ABHD16B: variants seen among roughly 807,000 people sequenced by gnomAD.
ABHD16B encodes the protein abhydrolase domain-containing protein 16B.
In ABHD16B, 14 loss-of-function variants were observed where a neutral mutation model predicts 10.5. That is an observed-to-expected ratio of 1.33 (90% confidence interval 0.88 to 2.08). The LOEUF (loss-of-function observed/expected upper bound fraction) is 2.08. Ranked by LOEUF, ABHD16B falls within the 30% of genes most tolerant of loss-of-function variation. The probability of loss-of-function intolerance (pLI) is 0.00; values close to 1 mark genes in which losing one functional copy is unlikely to be tolerated. For missense variants in ABHD16B, 763 were observed against 717.4 expected (o/e 1.06, Z -0.73); for synonymous variants, 374 against 337.9 (o/e 1.11, Z -1.17).
chr20:63,862,604 GC>G lies in ABHD16B; in HGVS notation c.1065del (p.Tyr356ThrfsTer4). On this transcript the variant is annotated frameshift_variant, in exon 1 of 1. Transcript: ENST00000369916. LOFTEE classifies it low-confidence loss of function (END_TRUNC). The surrounding 1 kb of genome is among the most constrained non-coding windows in gnomAD (Gnocchi z 7.5). ...NELLLRLLEHRYPVVMAREGR... is the reference protein window; with the variant it reads ...NELLLRLLEHXYPVVMAREGR... Reference sequence around the variant, plus strand: ...CTGCTGCTGCGCCTGCTGGAGCACCGCTACCCCGTCGTGATGGCGCGAGAGG... The same window carrying G: ...CTGCTGCTGCGCCTGCTGGAGCACCGTACCCCGTCGTGATGGCGCGAGAGG... 6.4e-7 allele frequency: 1 copy of G among 1,555,264 alleles called. No individual in the cohort carries two copies. Among genetic ancestry groups the G allele is most frequent in the East Asian group, 2.4e-5 (1 of 42,384 alleles).
rs1382079737 is a variant in ABHD16B at position 63,862,917 on chromosome 20, G to A, written c.1377G>A (p.Glu459=). The part of the protein sequence containing the change: ...NVEATHFSPL[E]PEEFQLPWRL Reference sequence around the variant, plus strand: ...AGGCGACTCACTTCAGCCCTCTGGAGCCTGAGGAGTTTCAGTTGCCCTGGC... The same window carrying A: ...AGGCGACTCACTTCAGCCCTCTGGAACCTGAGGAGTTTCAGTTGCCCTGGC... Residue 459 remains glutamate, a synonymous_variant, in exon 1 of 1, where the codon GAG becomes GAA. Transcript: ENST00000369916. The surrounding 1 kb of genome is among the most constrained non-coding windows in gnomAD (Gnocchi z 7.5). 6 of 1,502,424 alleles carry A rather than the reference G, an allele frequency of 4.0e-6. No homozygotes were observed. The highest frequency in any genetic ancestry group is 5.3e-6 in the Non-Finnish European group (6 of 1,126,138). The allele number at this position is 1,502,424 out of a possible 1,614,324, so 93.1% of individuals were successfully genotyped here.
rs199801697 is a variant in ABHD16B at position 63,862,357 on chromosome 20, G to A, written c.817G>A (p.Asp273Asn). Residue 273 changes from aspartate to asparagine, a missense_variant, in exon 1 of 1, where the codon GAC (aspartate) becomes AAC (asparagine). By Grantham distance (23) the Asp-to-Asn change is conservative (BLOSUM62 1). Transcript: ENST00000369916. This position sits in a 1 kb window ranked among gnomAD's most constrained non-coding sequence, Gnocchi z 7.5. Reference protein sequence around the residue: ...LGALVLDATFDDLVPLALKVM... With the variant: ...LGALVLDATFNDLVPLALKVM... ...TGCACTGGTGCTGGACGCCACCTTCGACGACCTTGTGCCGCTGGCGCTGAA... is the reference window on the plus strand; with the variant it reads ...TGCACTGGTGCTGGACGCCACCTTCAACGACCTTGTGCCGCTGGCGCTGAA... 2.3e-5 allele frequency: 37 copies of A among 1,611,568 alleles called. No homozygotes were observed. The highest frequency in any genetic ancestry group is 1.6e-4 in the Middle Eastern group (1 of 6,082).
rs774325148 is a variant in ABHD16B at position 63,862,510 on chromosome 20, G to T, written c.970G>T (p.Val324Leu). 21 of 1,568,862 alleles carry T rather than the reference G, an allele frequency of 1.3e-5. No homozygotes were observed. Among genetic ancestry groups the T allele is most frequent in the Non-Finnish European group, 1.6e-5 (19 of 1,163,018 alleles). The change falls in exon 1 of 1, where the codon GTG (valine) becomes TTG (leucine). Residue 324 changes from valine (V) to leucine (L), a missense_variant. Coordinates refer to ENST00000369916, the MANE Select transcript of ABHD16B (RefSeq NM_080622.4). The surrounding 1 kb of genome is among the most constrained non-coding windows in gnomAD (Gnocchi z 7.5). ...GCTGCTCCGACGCACGCAGGATGAC[G>T]TGGTCAGCACTTCGGGCCGCCTGCG... ...VLLLRRTQDD[V>L]VSTSGRLRPL...
At position 63,861,709 on chromosome 20, in the gene ABHD16B, G is replaced by A. The variant is rs2052083674; in HGVS notation, c.169G>A (p.Ala57Thr). ...GGCGCTGACCTGCGCGGCAGCCGCG[G>A]CGGGCGTGTGGTTGCTGCGGGACGA... The part of the protein sequence containing the change: ...HRALTCAAAA[A>T]GVWLLRDETL... Residue 57 changes from alanine (A) to threonine (T), a missense_variant, in exon 1 of 1, where the codon GCG becomes ACG. Physicochemically the swap from Ala to Thr is moderately conservative, Grantham distance 58. Coordinates refer to ENST00000369916, the MANE Select transcript of ABHD16B (RefSeq NM_080622.4). This position sits in a 1 kb window ranked among gnomAD's most constrained non-coding sequence, Gnocchi z 5.4. 1 of 1,461,576 alleles carries A rather than the reference G, an allele frequency of 6.8e-7. No individual in the cohort carries two copies. The allele number at this position is 1,461,576 out of a possible 1,614,324, so 90.5% of individuals were successfully genotyped here.
In ABHD16B at chr20:63,862,959, C is replaced by A; in HGVS notation, c.*9C>A. On this transcript the variant is annotated 3_prime_UTR_variant, in exon 1 of 1. Transcript: ENST00000369916. This position sits in a 1 kb window ranked among gnomAD's most constrained non-coding sequence, Gnocchi z 7.5. Reference sequence around the variant, plus strand: ...TGCCCTGGCGGCTGTAACCTATATGCCCCAGTGGGGGATCACGCACTTGAA... The same window carrying A: ...TGCCCTGGCGGCTGTAACCTATATGACCCAGTGGGGGATCACGCACTTGAA... 1 of 1,438,344 alleles carries A rather than the reference C, an allele frequency of 7.0e-7. No individual in the cohort carries two copies. Among genetic ancestry groups the A allele is most frequent in the Middle Eastern group, 1.8e-4 (1 of 5,514 alleles). The allele number at this position is 1,438,344 out of a possible 1,614,324, so 89.1% of individuals were successfully genotyped here.
In ABHD16B at chr20:63,861,547, G is replaced by A. The variant is rs542484258; in HGVS notation, c.7G>A (p.Val3Ile). The A allele has an allele frequency of 7.7e-6, 12 of 1,551,792 alleles. No homozygotes were observed. Among genetic ancestry groups the A allele is most frequent in the Admixed American group, 1.9e-5 (1 of 52,240 alleles). ...GGCGTTAGGGCCACCGCTCATGTGC[G>A]TCATCTGCTTCGTGAAGGCGCTGGT... MC[V>I]ICFVKALVRV... The change falls in exon 1 of 1, where the codon GTC (valine) becomes ATC (isoleucine). Residue 3 changes from valine (V) to isoleucine (I), a missense_variant. By Grantham distance (29) the Val-to-Ile change is conservative (BLOSUM62 3). Transcript: ENST00000369916. The surrounding 1 kb of genome is among the most constrained non-coding windows in gnomAD (Gnocchi z 5.4).
Position 63,862,479 on chromosome 20 carries a change from G to A in ABHD16B, c.939G>A (p.Pro313=). Residue 313 remains proline (P), a synonymous_variant, in exon 1 of 1, where the codon CCG becomes CCA. Transcript: ENST00000369916. This position sits in a 1 kb window ranked among gnomAD's most constrained non-coding sequence, Gnocchi z 7.5. The stretch of plus-strand genomic sequence containing the variant: ...AGCAGCTGTGCTGCTACCCGGGGCC[G>A]GTGCTGCTGCTCCGACGCACGCAGG... ...VAEQLCCYPG[P]VLLLRRTQDD... is the part of the protein sequence containing the mutation. 2 of 1,564,492 alleles carry A rather than the reference G, an allele frequency of 1.3e-6. No homozygotes were observed. Among genetic ancestry groups the A allele is most frequent in the South Asian group, 1.2e-5 (1 of 86,810 alleles).
At position 63,861,993 on chromosome 20, in the gene ABHD16B, C is replaced by T. The variant is rs757665929; in HGVS notation, c.453C>T (p.Asn151=). 7 of 1,603,326 alleles carry T rather than the reference C, an allele frequency of 4.4e-6. No homozygotes were observed. Among genetic ancestry groups the T allele is most frequent in the South Asian group, 1.1e-5 (1 of 90,982 alleles). Residue 151 remains asparagine (N), a synonymous_variant, in exon 1 of 1, where the codon AAC becomes AAT. Transcript: ENST00000369916. The surrounding 1 kb of genome is among the most constrained non-coding windows in gnomAD (Gnocchi z 5.4). ...CCAAGCTGGTGGCCTGTGACGGCAACGAGATCGACACTATGTTCATGGACC... is the reference window on the plus strand; with the variant it reads ...CCAAGCTGGTGGCCTGTGACGGCAATGAGATCGACACTATGTTCATGGACC... ...RRAKLVACDG[N]EIDTMFMDRR...
rs374955040 is a variant in ABHD16B at position 63,862,236 on chromosome 20, C to T, written c.696C>T (p.His232=). The change falls in exon 1 of 1, where the codon CAC becomes CAT. Residue 232 remains histidine, a synonymous_variant. Coordinates refer to ENST00000369916, the MANE Select transcript of ABHD16B (RefSeq NM_080622.4). This position sits in a 1 kb window ranked among gnomAD's most constrained non-coding sequence, Gnocchi z 7.5. The stretch of plus-strand genomic sequence containing the variant: ...ACGTGGTGGTCGAGTACGCACTGCA[C>T]CGCCTGCACTTCCCGCCCGCGCACC... ...AMDVVVEYAL[H]RLHFPPAHLV... 1 of 1,611,840 alleles carries T rather than the reference C, an allele frequency of 6.2e-7. No individual in the cohort carries two copies. Among genetic ancestry groups the T allele is most frequent in the Admixed American group, 1.7e-5 (1 of 59,970 alleles).
At position 63,861,976 on chromosome 20, in the gene ABHD16B, G is replaced by C. The variant is rs2052089140; in HGVS notation, c.436G>C (p.Val146Leu). 6.3e-7 allele frequency: 1 copy of C among 1,595,556 alleles called. No individual in the cohort carries two copies. Among genetic ancestry groups the C allele is most frequent in the Non-Finnish European group, 8.5e-7 (1 of 1,176,836 alleles). Residue 146 changes from valine (V) to leucine (L), a missense_variant, in exon 1 of 1, where the codon GTG becomes CTG. By Grantham distance (32) the Val-to-Leu change is conservative (BLOSUM62 1). Transcript: ENST00000369916. The surrounding 1 kb of genome is among the most constrained non-coding windows in gnomAD (Gnocchi z 5.4). ...CTACCACGGCCGGCGCGCCAAGCTGGTGGCCTGTGACGGCAACGAGATCGA... is the reference window on the plus strand; with the variant it reads ...CTACCACGGCCGGCGCGCCAAGCTGCTGGCCTGTGACGGCAACGAGATCGA... ...ERYHGRRAKL[V>L]ACDGNEIDTM...
At position 63,861,852 on chromosome 20, in the gene ABHD16B, C is replaced by G. The variant is rs1237723579; in HGVS notation, c.312C>G (p.His104Gln). Reference protein sequence around the residue: ...PGQLASYALAHSLGRWLVYPG... With the variant: ...PGQLASYALAQSLGRWLVYPG... ...AGCTCGCTAGCTACGCGCTGGCCCA[C>G]TCGCTGGGCCGCTGGCTCGTGTACC... Residue 104 changes from histidine (H) to glutamine (Q), a missense_variant, in exon 1 of 1, where the codon CAC (histidine) becomes CAG (glutamine). By Grantham distance (24) the His-to-Gln change is conservative. Coordinates refer to ENST00000369916, the MANE Select transcript of ABHD16B (RefSeq NM_080622.4). The surrounding 1 kb of genome is among the most constrained non-coding windows in gnomAD (Gnocchi z 5.4). 6.4e-7 allele frequency: 1 copy of G among 1,554,730 alleles called. No individual in the cohort carries two copies. The highest frequency in any genetic ancestry group is 8.6e-7 in the Non-Finnish European group (1 of 1,157,192).
rs753188555 is a variant in ABHD16B, at chr20:63,861,906, G to A, written c.366G>A (p.Ala122=). The A allele has an allele frequency of 2.5e-6, 4 of 1,587,850 alleles. No homozygotes were observed. Among genetic ancestry groups the A allele is most frequent in the Non-Finnish European group, 2.6e-6 (3 of 1,173,428 alleles). The change falls in exon 1 of 1, where the codon GCG becomes GCA. Residue 122 remains alanine, a synonymous_variant. Coordinates refer to ENST00000369916, the MANE Select transcript of ABHD16B (RefSeq NM_080622.4). This position sits in a 1 kb window ranked among gnomAD's most constrained non-coding sequence, Gnocchi z 5.4. ...YPGSVSLMTR[A]LLPLLQQGQE... is the part of the protein sequence containing the mutation. ...GCTCCGTGTCCCTGATGACGCGCGCGCTGCTGCCGCTGCTGCAGCAGGGCC... is the reference window on the plus strand; with the variant it reads ...GCTCCGTGTCCCTGATGACGCGCGCACTGCTGCCGCTGCTGCAGCAGGGCC...
rs1223899868 is a variant in ABHD16B, at chr20:63,862,895, C to T, written c.1355C>T (p.Ala452Val). The T allele has an allele frequency of 3.3e-6, 5 of 1,535,174 alleles. No individual in the cohort carries two copies. Among genetic ancestry groups the T allele is most frequent in the South Asian group, 1.2e-5 (1 of 82,312 alleles). ...CGGAAGCACCTCAAGAACGTGGAGG[C>T]GACTCACTTCAGCCCTCTGGAGCCT... is the stretch of plus-strand genomic sequence containing the variant. ...LARKHLKNVEATHFSPLEPEE... is the reference protein window; with the variant it reads ...LARKHLKNVEVTHFSPLEPEE... Residue 452 changes from alanine (A) to valine (V), a missense_variant, in exon 1 of 1, where the codon GCG (alanine) becomes GTG (valine). By Grantham distance (64) the Ala-to-Val change is moderately conservative. Coordinates refer to ENST00000369916, the MANE Select transcript of ABHD16B (RefSeq NM_080622.4). The surrounding 1 kb of genome is among the most constrained non-coding windows in gnomAD (Gnocchi z 7.5).
Position 63,862,975 on chromosome 20 carries a change from C to CGCACTT in ABHD16B, c.*27_*32dup, listed in dbSNP as rs1438668727. ...ACCTATATGCCCCAGTGGGGGATCA[C>CGCACTT]GCACTTGAACTCCTGGCCTTCTTGG... On this transcript the variant is annotated 3_prime_UTR_variant, in exon 1 of 1. Coordinates refer to ENST00000369916, the MANE Select transcript of ABHD16B (RefSeq NM_080622.4). The surrounding 1 kb of genome is among the most constrained non-coding windows in gnomAD (Gnocchi z 7.5). 1.8e-5 allele frequency: 25 copies of CGCACTT among 1,411,934 alleles called. No individual in the cohort carries two copies. Among genetic ancestry groups the CGCACTT allele is most frequent in the Non-Finnish European group, 2.3e-5 (25 of 1,081,532 alleles). 87.5% of individuals were successfully genotyped at this position (1,411,934 alleles called of 1,614,324 possible).
rs898887258 is a variant in ABHD16B at position 63,862,210 on chromosome 20, G to A, written c.670G>A (p.Asp224Asn). 8 of 1,611,446 alleles carry A rather than the reference G, an allele frequency of 5.0e-6. No homozygotes were observed. Among genetic ancestry groups the A allele is most frequent in the Non-Finnish European group, 5.1e-6 (6 of 1,179,642 alleles). The change falls in exon 1 of 1, where the codon GAC becomes AAC. Residue 224 changes from aspartate to asparagine, a missense_variant. Transcript: ENST00000369916. This position sits in a 1 kb window ranked among gnomAD's most constrained non-coding sequence, Gnocchi z 7.5. ...PFPQHDANAM[D>N]VVVEYALHRL... ...CCCTCAGCACGACGCCAACGCCATG[G>A]ACGTGGTGGTCGAGTACGCACTGCA... is the stretch of plus-strand genomic sequence containing the variant.
Position 63,862,618 on chromosome 20 carries a change from ATGG to A in ABHD16B, c.1079_1081del (p.Met360_Ala361delinsThr), listed in dbSNP as rs1430967768. The A allele has an allele frequency of 6.5e-7, 1 of 1,546,806 alleles. No homozygotes were observed. Among genetic ancestry groups the A allele is most frequent in the Non-Finnish European group, 8.7e-7 (1 of 1,151,374 alleles). On this transcript the variant is annotated inframe_deletion, in exon 1 of 1. Coordinates refer to ENST00000369916, the MANE Select transcript of ABHD16B (RefSeq NM_080622.4). This position sits in a 1 kb window ranked among gnomAD's most constrained non-coding sequence, Gnocchi z 7.5. The stretch of plus-strand genomic sequence containing the variant: ...GCTGGAGCACCGCTACCCCGTCGTG[ATGG>A]CGCGAGAGGGCCGCGCCGTCGTCAC...
chr20:63,862,535 G>A lies in ABHD16B; in HGVS notation c.995G>A (p.Arg332His), dbSNP rs1359452217. 3.8e-6 allele frequency: 6 copies of A among 1,570,032 alleles called. No homozygotes were observed. Among genetic ancestry groups the A allele is most frequent in the Non-Finnish European group, 5.2e-6 (6 of 1,163,572 alleles). ...GTGGTCAGCACTTCGGGCCGCCTGC[G>A]CCCCCTGTCACCTGGTGACGTGGAG... ...DDVVSTSGRL[R>H]PLSPGDVEGN... is the part of the protein sequence containing the mutation. The change falls in exon 1 of 1, where the codon CGC (arginine) becomes CAC (histidine). Residue 332 changes from arginine to histidine, a missense_variant. Arg to His is a conservative substitution (Grantham distance 29, BLOSUM62 0). Coordinates refer to ENST00000369916, the MANE Select transcript of ABHD16B (RefSeq NM_080622.4). The surrounding 1 kb of genome is among the most constrained non-coding windows in gnomAD (Gnocchi z 7.5).
In ABHD16B at chr20:63,861,767, C is replaced by T. The variant is rs1348953462; in HGVS notation, c.227C>T (p.Pro76Leu). The change falls in exon 1 of 1, where the codon CCA (proline) becomes CTA (leucine). Residue 76 changes from proline to leucine, a missense_variant. Pro to Leu is a moderately conservative substitution (Grantham distance 98, BLOSUM62 -3). Transcript: ENST00000369916. This position sits in a 1 kb window ranked among gnomAD's most constrained non-coding sequence, Gnocchi z 5.4. ...TLGGDALGRPPRGARSQAQCL... is the reference protein window; with the variant it reads ...TLGGDALGRPLRGARSQAQCL... ...GGCGGGGATGCGCTGGGGCGGCCTCCACGTGGGGCGCGCAGCCAGGCGCAG... is the reference window on the plus strand; with the variant it reads ...GGCGGGGATGCGCTGGGGCGGCCTCTACGTGGGGCGCGCAGCCAGGCGCAG... The T allele has an allele frequency of 7.0e-7, 1 of 1,421,808 alleles. No individual in the cohort carries two copies. Among genetic ancestry groups the T allele is most frequent in the Non-Finnish European group, 9.1e-7 (1 of 1,097,352 alleles). The allele number at this position is 1,421,808 out of a possible 1,614,324, so 88.1% of individuals were successfully genotyped here. A position where few individuals can be genotyped will look rare whatever the true frequency, so the allele number is the denominator to read the frequency against.
rs1005833194 is a variant in ABHD16B at position 63,861,609 on chromosome 20, C to T, written c.69C>T (p.Thr23=). 11 of 1,556,570 alleles carry T rather than the reference C, an allele frequency of 7.1e-6. No individual in the cohort carries two copies. Among genetic ancestry groups the T allele is most frequent in the African/African-American group, 5.4e-5 (4 of 73,496 alleles). Residue 23 remains threonine, a synonymous_variant, in exon 1 of 1, where the codon ACC becomes ACT. Transcript: ENST00000369916. The surrounding 1 kb of genome is among the most constrained non-coding windows in gnomAD (Gnocchi z 5.4). ...VFKIYLTASY[T]YPFRGWPVAF... ...AGATCTACCTGACCGCCAGCTACAC[C>T]TACCCATTCCGCGGCTGGCCCGTGG...
Sources: gnomAD v4.1 joint callset for allele counts on GRCh38, gnomAD v4.1.1 for gene constraint, Gnocchi (gnomAD v3.1) non-coding constraint, MANE v1.5 for transcripts, NCBI Gene and HGNC (gene_info 2026-07-23, HGNC 2026-07-21) for gene names.